ZNF407: variants seen among roughly 807,000 people sequenced by gnomAD.
ZNF407 encodes the protein zinc finger protein 407.
In ZNF407, 17 loss-of-function variants were observed where a neutral mutation model predicts 131.2. The ratio of observed to expected loss-of-function variants is 0.13; its 90% CI spans 0.09 to 0.19. ZNF407 has a LOEUF of 0.19. ZNF407 is among the 10% of genes least tolerant of loss of function. The pLI, the probability that ZNF407 is intolerant of heterozygous loss-of-function variation, is 1.00. For missense variants in ZNF407, 2,681 were observed against 2,830.6 expected (o/e 0.95, Z 1.20); for synonymous variants, 1,156 against 1,062.0 (o/e 1.09, Z -1.72).
chr18:74,763,810 C>T (rs1019798443), intron 3 of ZNF407, among the ~76,000 whole-genome samples: 2 of 148,768 alleles, frequency 1.3e-5, no homozygotes, highest in Non-Finnish European at 3.0e-5. Flanking sequence ...CCCGGGTTCA[C>T]GCCATTCTCC....
Position 74,633,164 on chromosome 18 carries a change from ATCT to A in ZNF407, c.2149_2151del (p.Ser717del), listed in dbSNP as rs764118135. The A allele has an allele frequency of 5.6e-6, 9 of 1,613,162 alleles. No homozygotes were observed. The highest frequency in any genetic ancestry group is 1.3e-5 in the African/African-American group (1 of 74,860). Reference sequence around the variant, plus strand: ...GTAAGAAGTGTTTTTATAAAACAAGATCTTCTACTGTTCTCACGAGACATATAA... The same window carrying A: ...GTAAGAAGTGTTTTTATAAAACAAGATCTACTGTTCTCACGAGACATATAA... On this transcript the variant is annotated inframe_deletion, in exon 2 of 9. Transcript: ENST00000299687.
chr18:74,669,261 T>C (rs1049035699), intron 3 of ZNF407, among the ~76,000 whole-genome samples: 1 of 152,220 alleles, frequency 6.6e-6, no homozygotes, highest in African/African-American at 2.4e-5. Flanking sequence ...GAAAGCCTGG[T>C]CAGAGGACTC....
At chr18:74,806,311 T>G (rs913092389) in intron 4 of ZNF407, among the ~76,000 whole-genome samples, 5 of 152,234 alleles carry the variant, frequency 3.3e-5, no homozygotes, top group African/African-American at 1.2e-4. Flanking sequence ...TTGTAAACTC[T>G]CAAGCTTTTG....
intron 3 of ZNF407, among the ~76,000 whole-genome samples, chr18:74,667,863 T>C (rs147101717): frequency 2.6e-5 from 4 of 152,372 alleles, no homozygotes; most frequent in Admixed American, 1.3e-4. Context: ...TACTTTGTTT[T>C]TGATAGAAAC....
chr18:74,609,781 T>C (rs1982975813), intron 1 of ZNF407, among the ~76,000 whole-genome samples: 1 of 152,210 alleles, frequency 6.6e-6, no homozygotes, highest in Non-Finnish European at 1.5e-5. Flanking sequence ...TAGGGAACCA[T>C]CATCATGTAT....
intron 3 of ZNF407, among the ~76,000 whole-genome samples, chr18:74,708,176 G>A (rs990637348): frequency 3.3e-5 from 5 of 152,132 alleles, no homozygotes; most frequent in African/African-American, 9.7e-5. Flanking sequence ...ATTTGTTTCA[G>A]TACAACTATT....
chr18:75,036,395 C>T (rs1291403497), intron 8 of ZNF407, among the ~76,000 whole-genome samples: 2 of 152,124 alleles, frequency 1.3e-5, no homozygotes, highest in Admixed American at 6.5e-5. Flanking sequence ...TTGGATGTCT[C>T]ACAGGAGAGA....
intron 4 of ZNF407, among the ~76,000 whole-genome samples, chr18:74,852,201 ACGCACGCACGCG>A (rs1970797920): frequency 6.8e-6 from 1 of 147,662 alleles, no homozygotes; most frequent in East Asian, 2.0e-4. Flanking sequence ...ACACACACGC[ACGCACGCACGCG>A]CACGCGCGCG....
chr18:74,724,090 T>C (rs573886968), intron 3 of ZNF407, among the ~76,000 whole-genome samples: 7 of 152,144 alleles, frequency 4.6e-5, no homozygotes, highest in Non-Finnish European at 1.0e-4. Context: ...TAAATTGCAA[T>C]GAATATGAAA....
intron 4 of ZNF407, among the ~76,000 whole-genome samples, chr18:74,865,198 G>T (rs1309589330): frequency 1.3e-5 from 2 of 152,172 alleles, no homozygotes; most frequent in Non-Finnish European, 2.9e-5. Context: ...CCTTCTCAGA[G>T]CCAAAAGAGG....
chr18:74,710,474 A>C (rs2144844554), intron 3 of ZNF407, among the ~76,000 whole-genome samples: 1 of 152,228 alleles, frequency 6.6e-6, no homozygotes, highest in East Asian at 1.9e-4. Context: ...GTTTGGGAAA[A>C]TGTTATAAGG....
At chr18:75,013,965 A>C (rs77911827) in intron 8 of ZNF407, among the ~76,000 whole-genome samples, 3,096 of 152,104 alleles carry the variant, frequency 0.02, 103 homozygotes, top group African/African-American at 0.065. Flanking sequence ...CATTTCTGTC[A>C]CCAAAAAGTC....
chr18:74,836,089 GT>G (rs762829357), intron 4 of ZNF407, among the ~76,000 whole-genome samples: 2 of 151,422 alleles, frequency 1.3e-5, no homozygotes, highest in Non-Finnish European at 2.9e-5. Flanking sequence ...CCAGTATTAT[GT>G]AAGGAGTTAA....
intron 3 of ZNF407, among the ~76,000 whole-genome samples, chr18:74,700,720 G>A (rs1314855169): frequency 2.0e-5 from 3 of 152,198 alleles, no homozygotes; most frequent in South Asian, 2.1e-4. Context: ...TTTTAGGAGA[G>A]GAGAGAAGTA....
chr18:74,601,305 T>TTG (rs748852719), intron 1 of ZNF407, among the ~76,000 whole-genome samples: 3,753 of 141,228 alleles, frequency 0.027, 39 homozygotes, highest in African/African-American at 0.038. Context: ...CTTCAGTTAG[T>TTG]TGTGTGTGTG....
At chr18:74,659,081 T>A (rs1985604178) in intron 3 of ZNF407, among the ~76,000 whole-genome samples, 1 of 152,176 alleles carries the variant, frequency 6.6e-6, no homozygotes, top group Non-Finnish European at 1.5e-5. Flanking sequence ...GCTCATGGAT[T>A]TTTTGAAATA....
At chr18:74,804,538 A>C in intron 4 of ZNF407, 1 of 987,268 alleles carries the variant, frequency 1.0e-6, no homozygotes, top group Non-Finnish European at 1.2e-6. Flanking sequence ...GGCTAAATAC[A>C]TTGCTTTGTT....
At chr18:74,965,369 A>T (rs1972398288) in intron 8 of ZNF407, among the ~76,000 whole-genome samples, 1 of 151,940 alleles carries the variant, frequency 6.6e-6, no homozygotes, top group African/African-American at 2.4e-5. Flanking sequence ...CAATTGTTTT[A>T]ATTTTTAGAT....
chr18:74,639,534 T>C (rs897359491), intron 2 of ZNF407, among the ~76,000 whole-genome samples: 3 of 152,208 alleles, frequency 2.0e-5, no homozygotes, highest in African/African-American at 7.2e-5. Context: ...TATTTTCTAA[T>C]GTGACTGATA....
Sources: allele counts gnomAD v4.1 joint callset (sites outside exome capture counted in the v4.1 genomes callset), GRCh38; gene constraint gnomAD v4.1.1; transcripts MANE v1.5; gene names NCBI Gene and HGNC (gene_info 2026-07-23, HGNC 2026-07-21).